TRPM3: variants seen among roughly 807,000 people sequenced by gnomAD.
The protein encoded by TRPM3 is transient receptor potential cation channel subfamily M member 3.
Under a neutral mutation model 181.2 loss-of-function variants are expected in TRPM3, and 77 were observed. The observed-to-expected ratio is 0.42, with a 90% CI of 0.35 to 0.51. The LOEUF (loss-of-function observed/expected upper bound fraction) is 0.51. TRPM3 is among the 20% of genes least tolerant of loss of function. TRPM3 has a pLI of 0.01. For missense variants in TRPM3, 1,759 were observed against 2,196.7 expected, an observed-to-expected ratio of 0.80 and a Z score of 3.98; for synonymous variants, 745 against 796.4, an observed-to-expected ratio of 0.94 and a Z score of 1.09.
chr9:71,278,581 C>T (rs1366197397), intron 1 of TRPM3, among the ~76,000 whole-genome samples: 1 of 152,158 alleles, frequency 6.6e-6, no homozygotes, highest in African/African-American at 2.4e-5. Flanking sequence ...ACATATGCAA[C>T]ATCATATAAT....
At chr9:70,659,566 C>T (rs1282874993) in intron 9 of TRPM3, among the ~76,000 whole-genome samples, 2 of 152,146 alleles carry the variant, frequency 1.3e-5, no homozygotes, top group African/African-American at 4.8e-5. Context: ...TAAAGCAAAT[C>T]TGTCCTACCA....
chr9:71,047,723 A>G (rs892487506), intron 1 of TRPM3, among the ~76,000 whole-genome samples: 3 of 152,138 alleles, frequency 2.0e-5, no homozygotes, highest in Admixed American at 2.0e-4. Context: ...AATATGTTCC[A>G]TAGTAGAAAC....
intron 11 of TRPM3, among the ~76,000 whole-genome samples, chr9:70,638,332 T>A (rs1315415909): frequency 1.3e-5 from 2 of 152,188 alleles, no homozygotes; most frequent in African/African-American, 2.4e-5. Flanking sequence ...GTCTAAGGCA[T>A]CTTATTATCA....
intron 1 of TRPM3, among the ~76,000 whole-genome samples, chr9:71,361,949 A>C (rs1437500554): frequency 6.6e-6 from 1 of 152,052 alleles, no homozygotes. Context: ...GATGAAAGAG[A>C]TTATAGAATC....
chr9:70,649,813 T>C (rs2059380657), intron 9 of TRPM3, among the ~76,000 whole-genome samples: 1 of 152,180 alleles, frequency 6.6e-6, no homozygotes, highest in African/African-American at 2.4e-5. Context: ...TTACTGGGCA[T>C]ACACTCAAAG....
chr9:71,210,198 A>T (rs2131794880), intron 1 of TRPM3, among the ~76,000 whole-genome samples: 1 of 152,218 alleles, frequency 6.6e-6, no homozygotes, highest in African/African-American at 2.4e-5. Context: ...TGAACTATAC[A>T]TGTGAGGGAT....
At chr9:71,187,957 G>A (rs1008178031) in intron 1 of TRPM3, among the ~76,000 whole-genome samples, 2 of 149,814 alleles carry the variant, frequency 1.3e-5, no homozygotes, top group African/African-American at 2.5e-5. Context: ...ATAGATCATC[G>A]CATTTTTTAA....
chr9:71,061,925 A>C (rs2061379103), intron 1 of TRPM3, among the ~76,000 whole-genome samples: 1 of 152,014 alleles, frequency 6.6e-6, no homozygotes, highest in African/African-American at 2.4e-5. Context: ...GGGACCCCTG[A>C]CATAGATCCT....
At chr9:71,052,003 C>CT (rs1387811745) in intron 1 of TRPM3, among the ~76,000 whole-genome samples, 2 of 151,950 alleles carry the variant, frequency 1.3e-5, no homozygotes. Context: ...TTAAGGGGAC[C>CT]TTTGTACATA....
chr9:71,428,227 G>A (rs1344791156), intron 1 of TRPM3, among the ~76,000 whole-genome samples: 1 of 150,176 alleles, frequency 6.7e-6, no homozygotes, highest in Non-Finnish European at 1.5e-5. Flanking sequence ...AAGTGGCTGG[G>A]ATTACAGGCG....
chr9:71,347,481 C>T (rs1588606697), intron 1 of TRPM3, among the ~76,000 whole-genome samples: 1 of 152,286 alleles, frequency 6.6e-6, no homozygotes, highest in Non-Finnish European at 1.5e-5. Context: ...TCATGCTTGA[C>T]ACAGTGGTTG....
rs749452046 is a variant in TRPM3 at position 70,610,605 on chromosome 9, T to G, written c.2667+4A>C. The G allele has an allele frequency of 6.2e-7, 1 of 1,613,258 alleles. No homozygotes were observed. The stretch of plus-strand genomic sequence containing the variant: ...CTAGGAAGGAGAAAAGGAAATGTGC[T>G]TACTGTGTAGAACCAGAACTTCACG... On this transcript the variant is annotated splice_donor_region_variant and intron_variant, in intron 19 of 25. Coordinates refer to ENST00000677713, the MANE Select transcript of TRPM3 (RefSeq NM_001366145.2).
chr9:70,586,232 C>T (rs1172600807), intron 22 of TRPM3, among the ~76,000 whole-genome samples: 1 of 152,208 alleles, frequency 6.6e-6, no homozygotes, highest in African/African-American at 2.4e-5. Flanking sequence ...GCCTCCGTCA[C>T]ATGTATCTCT....
Position 70,615,908 on chromosome 9 carries a change from T to C in TRPM3, c.2526A>G (p.Thr842=), listed in dbSNP as rs745463286. The change falls in exon 18 of 26, where the codon ACA becomes ACG. Residue 842 remains threonine (T), a splice_region_variant and synonymous_variant. Coordinates refer to ENST00000677713, the MANE Select transcript of TRPM3 (RefSeq NM_001366145.2). ...GAATAACTGTGCAATGTTTTCTTACTGTGAGCTCCATGTCCTCTTCCTCTT... is the reference window on the plus strand; with the variant it reads ...GAATAACTGTGCAATGTTTTCTTACCGTGAGCTCCATGTCCTCTTCCTCTT... ...KEKEEEDMEL[T]AMLGRNNGES... 6.3e-7 allele frequency: 1 copy of C among 1,597,748 alleles called. No homozygotes were observed. Among genetic ancestry groups the C allele is most frequent in the Non-Finnish European group, 8.5e-7 (1 of 1,175,566 alleles).
chr9:71,129,530 T>C (rs954059034), intron 1 of TRPM3, among the ~76,000 whole-genome samples: 2 of 152,200 alleles, frequency 1.3e-5, no homozygotes, highest in African/African-American at 4.8e-5. Context: ...GTCTACAGTA[T>C]TGTTATCCCA....
At chr9:70,816,438 G>A (rs949683026) in intron 6 of TRPM3, among the ~76,000 whole-genome samples, 1 of 152,222 alleles carries the variant, frequency 6.6e-6, no homozygotes, top group Non-Finnish European at 1.5e-5. Flanking sequence ...CAGAGTCAGA[G>A]GATGGCTGCT....
chr9:71,334,087 T>G (rs537813798), intron 1 of TRPM3, among the ~76,000 whole-genome samples: 3 of 151,936 alleles, frequency 2.0e-5, no homozygotes, highest in Admixed American at 2.0e-4. Flanking sequence ...AACAACAAAC[T>G]AATTTTTCTT....
chr9:71,068,776 C>A (rs2062291391), intron 1 of TRPM3, among the ~76,000 whole-genome samples: 1 of 152,162 alleles, frequency 6.6e-6, no homozygotes, highest in Non-Finnish European at 1.5e-5. Flanking sequence ...TCAAATGATT[C>A]TCATGTGTTC....
chr9:71,167,712 C>CT (rs199608058), intron 1 of TRPM3, among the ~76,000 whole-genome samples: 3 of 152,002 alleles, frequency 2.0e-5, no homozygotes, highest in Admixed American at 1.3e-4. Flanking sequence ...GATGAGAGCT[C>CT]TTTTTTAAAA....
Sources: allele counts gnomAD v4.1 joint callset (sites outside exome capture counted in the v4.1 genomes callset), GRCh38; gene constraint gnomAD v4.1.1; transcripts MANE v1.5; gene names NCBI Gene and HGNC (gene_info 2026-07-23, HGNC 2026-07-21).